Variants in ASTN2 observed in about 807,000 individuals in gnomAD.
The protein encoded by ASTN2 is astrotactin 2, also known as astrotactin-2.
ASTN2 carries 54 observed loss-of-function variants against 139.8 expected under a neutral mutation model. That is an observed-to-expected ratio of 0.39 (90% CI 0.31 to 0.48). ASTN2 has a LOEUF of 0.48. Ranked by LOEUF, ASTN2 falls within the 20% of genes least tolerant of loss-of-function variation. The pLI is 0.95. For missense variants in ASTN2, 1,565 were observed against 1,725.1 expected (o/e 0.91, Z 1.64); for synonymous variants, 756 against 719.5 (o/e 1.05, Z -0.81).
At chr9:116,879,233 A>T (rs914169157) in intron 10 of ASTN2, among the ~76,000 whole-genome samples, 4 of 152,112 alleles carry the variant, frequency 2.6e-5, no homozygotes, top group Non-Finnish European at 5.9e-5. Flanking sequence ...GGGCTCTTCC[A>T]GCTCCAATTT....
intron 6 of ASTN2, among the ~76,000 whole-genome samples, chr9:117,032,877 G>T (rs756774535): frequency 2.2e-4 from 34 of 152,150 alleles, no homozygotes; most frequent in Non-Finnish European, 4.3e-4. Flanking sequence ...CTCAGTCATA[G>T]GGAACAGAGA....
At chr9:116,865,719 T>G (rs370030109) in intron 10 of ASTN2, among the ~76,000 whole-genome samples, 1 of 152,104 alleles carries the variant, frequency 6.6e-6, no homozygotes, top group Admixed American at 6.6e-5. Flanking sequence ...AGCTGGTGGG[T>G]GGGTGGGCTG....
At chr9:117,116,304 C>G (rs1025792054) in intron 4 of ASTN2, among the ~76,000 whole-genome samples, 3 of 152,100 alleles carry the variant, frequency 2.0e-5, no homozygotes, top group African/African-American at 7.2e-5. Context: ...TGGCTTGGCT[C>G]TAGCTTTCAG....
chr9:117,335,591 A>G (rs1828857212), intron 1 of ASTN2, among the ~76,000 whole-genome samples: 1 of 152,194 alleles, frequency 6.6e-6, no homozygotes, highest in African/African-American at 2.4e-5. Context: ...TCTACAGTTT[A>G]ACTTCATTCT....
intron 1 of ASTN2, among the ~76,000 whole-genome samples, chr9:117,330,851 G>A (rs1158354239): frequency 6.6e-6 from 1 of 152,158 alleles, no homozygotes; most frequent in Non-Finnish European, 1.5e-5. Context: ...TGAAATGAAG[G>A]GGATGTGCCC....
chr9:116,452,480 T>A (rs1848204563), intron 20 of ASTN2, among the ~76,000 whole-genome samples: 1 of 152,198 alleles, frequency 6.6e-6, no homozygotes, highest in Non-Finnish European at 1.5e-5. Context: ...TAAATGGTGA[T>A]TATGGATGTA....
intron 3 of ASTN2, among the ~76,000 whole-genome samples, chr9:117,202,282 A>C (rs948344680): frequency 2.6e-5 from 4 of 151,848 alleles, no homozygotes; most frequent in African/African-American, 9.7e-5. Context: ...ATGGGTCTTG[A>C]CTCCTCAACC....
chr9:117,175,859 A>G (rs894541810), intron 3 of ASTN2, among the ~76,000 whole-genome samples: 1 of 152,178 alleles, frequency 6.6e-6, no homozygotes, highest in Admixed American at 6.5e-5. Context: ...TACAAATGAA[A>G]AAAACATTGT....
intron 1 of ASTN2, among the ~76,000 whole-genome samples, chr9:117,413,790 T>A (rs1831241455): frequency 1.3e-5 from 2 of 152,140 alleles, no homozygotes. Flanking sequence ...GCTCTCTGCC[T>A]GGAGGTGGGT....
At chr9:116,631,981 G>T (rs1856765953) in intron 17 of ASTN2, among the ~76,000 whole-genome samples, 1 of 151,744 alleles carries the variant, frequency 6.6e-6, no homozygotes, top group South Asian at 2.1e-4. Context: ...GGGCGTTGTG[G>T]CACACACCTG....
At chr9:117,131,085 T>C (rs142962718) in intron 4 of ASTN2, among the ~76,000 whole-genome samples, 33 of 152,350 alleles carry the variant, frequency 2.2e-4, no homozygotes, top group African/African-American at 7.5e-4. Context: ...CTTCTAACTA[T>C]GTATTTTGTT....
At chr9:117,010,555 C>CA (rs1207430356) in intron 6 of ASTN2, among the ~76,000 whole-genome samples, 1 of 151,752 alleles carries the variant, frequency 6.6e-6, no homozygotes, top group Non-Finnish European at 1.5e-5. Context: ...CAAACTTGGG[C>CA]AAAAAAACAA....
At chr9:116,893,916 C>A (rs374964660) in intron 10 of ASTN2, among the ~76,000 whole-genome samples, 96 of 152,280 alleles carry the variant, frequency 6.3e-4, no homozygotes, top group African/African-American at 2.0e-3. Flanking sequence ...CCCCCAGGCC[C>A]ACGCTTGGTC....
At chr9:116,881,099 C>A (rs562038262) in intron 10 of ASTN2, among the ~76,000 whole-genome samples, 4 of 151,990 alleles carry the variant, frequency 2.6e-5, no homozygotes, top group African/African-American at 7.2e-5. Flanking sequence ...GGCTGCTAGA[C>A]GACAGCACAA....
intron 10 of ASTN2, among the ~76,000 whole-genome samples, chr9:116,946,127 T>C (rs965781090): frequency 1.3e-5 from 2 of 152,216 alleles, no homozygotes; most frequent in African/African-American, 4.8e-5. Context: ...CATGATTCAG[T>C]CACCTTCCAC....
At position 117,214,419 on chromosome 9, in the gene ASTN2, C is replaced by G; in HGVS notation, c.954G>C (p.Val318=). Residue 318 remains valine (V), a synonymous_variant, in exon 3 of 23, where the codon GTG becomes GTC. Transcript: ENST00000313400. ...VSREDEFGSQ[V]THTLDSLGHP... ...GTCCCAGACTGTCCAGAGTGTGGGT[C>G]ACCTGGCTGCCAAACTCGTCCTCGC... 1 of 1,614,008 alleles carries G rather than the reference C, an allele frequency of 6.2e-7. No individual in the cohort carries two copies. The highest frequency in any genetic ancestry group is 8.5e-7 in the Non-Finnish European group (1 of 1,179,886).
chr9:116,544,928 A>T (rs898239921), intron 19 of ASTN2, among the ~76,000 whole-genome samples: 18 of 152,202 alleles, frequency 1.2e-4, no homozygotes, highest in Admixed American at 4.6e-4. Context: ...CTCATTTTGG[A>T]ATCTGAGCCA....
intron 11 of ASTN2, among the ~76,000 whole-genome samples, chr9:116,857,463 A>C (rs1442134649): frequency 6.6e-6 from 1 of 152,196 alleles, no homozygotes; most frequent in African/African-American, 2.4e-5. Context: ...AACAAGGCTT[A>C]ACTCTTGTGG....
intron 2 of ASTN2, among the ~76,000 whole-genome samples, chr9:117,261,062 AAT>A (rs2133108254): frequency 6.6e-6 from 1 of 152,334 alleles, no homozygotes; most frequent in African/African-American, 2.4e-5. Flanking sequence ...TAAATTAATC[AAT>A]AGTCTTGCAT....
Sources: allele counts gnomAD v4.1 joint callset (sites outside exome capture counted in the v4.1 genomes callset), GRCh38; gene constraint gnomAD v4.1.1; transcripts MANE v1.5; gene names NCBI Gene and HGNC (gene_info 2026-07-23, HGNC 2026-07-21).